Variants in TYW1 observed in about 807,000 individuals in gnomAD.
TYW1 encodes the protein S-adenosyl-L-methionine-dependent tRNA 4-demethylwyosine synthase TYW1.
TYW1 carries 46 observed loss-of-function variants against 96.2 expected under a neutral mutation model. That is an observed-to-expected ratio of 0.48 (90% confidence interval 0.38 to 0.61). The LOEUF (loss-of-function observed/expected upper bound fraction) is 0.61. Ranked by LOEUF, TYW1 falls within the 20% of genes least tolerant of loss-of-function variation. The pLI is 0.00. For missense variants in TYW1, 684 were observed against 909.6 expected (o/e 0.75, Z 3.19); for synonymous variants, 274 against 323.0 (o/e 0.85, Z 1.63).
rs60725778 is a variant in TYW1, at chr7:67,179,864, TA to T, written c.1699-3261del. Among the ~76,000 whole-genome samples, 450 of 74,420 alleles carry T rather than the reference TA, an allele frequency of 6.0e-3. 31 individuals carry two copies. The East Asian group carries it at 0.08, about 13-fold the overall frequency. 48.8% of individuals were successfully genotyped at this position (74,420 alleles called of 152,430 possible). On this transcript the variant is annotated intron_variant, in intron 13 of 15. Coordinates refer to ENST00000359626, the MANE Select transcript of TYW1 (RefSeq NM_018264.4). ...CATTAGGAATATATATATATATATA[TA>T]TTTTTTTTTTTTGGCGGGGGACAGG...
At chr7:67,118,137 C>T (rs1352403865) in intron 13 of TYW1, among the ~76,000 whole-genome samples, 3 of 151,428 alleles carry the variant, frequency 2.0e-5, no homozygotes, top group South Asian at 2.1e-4. Flanking sequence ...CCAGCCTGGC[C>T]AACATGGTCA....
intron 13 of TYW1, among the ~76,000 whole-genome samples, chr7:67,175,096 G>A (rs1360140923): frequency 1.3e-5 from 2 of 151,366 alleles, no homozygotes; most frequent in Non-Finnish European, 1.5e-5. Flanking sequence ...GTCATCAGGA[G>A]AACTAACACC....
intron 3 of TYW1, among the ~76,000 whole-genome samples, chr7:67,000,507 C>T (rs1299914477): frequency 6.6e-6 from 1 of 152,036 alleles, no homozygotes; most frequent in Non-Finnish European, 1.5e-5. Context: ...CCATATTGGT[C>T]ACACTGCTCT....
intron 7 of TYW1, among the ~76,000 whole-genome samples, chr7:67,040,441 C>G (rs1794982289): frequency 6.6e-6 from 1 of 151,818 alleles, no homozygotes; most frequent in Non-Finnish European, 1.5e-5. Flanking sequence ...AATGTTATGA[C>G]TCTTAATTAA....
chr7:67,005,356 G>A (rs1347340547), intron 3 of TYW1, among the ~76,000 whole-genome samples: 1 of 152,156 alleles, frequency 6.6e-6, no homozygotes, highest in Admixed American at 6.5e-5. Flanking sequence ...AGCACTTTGG[G>A]AGGCCAAGGC....
At chr7:67,163,224 C>T (rs1334996364) in intron 13 of TYW1, among the ~76,000 whole-genome samples, 2 of 152,172 alleles carry the variant, frequency 1.3e-5, no homozygotes, top group Non-Finnish European at 2.9e-5. Flanking sequence ...AACATTGCTC[C>T]ATACTACTCA....
chr7:67,025,142 C>T, intron 7 of TYW1, 120 bp downstream of exon 7: 3 of 1,490,014 alleles, frequency 2.0e-6, no homozygotes, highest in Non-Finnish European at 2.7e-6. Context: ...TAGCTTCTGT[C>T]TTGAGAGTTT....
intron 14 of TYW1, among the ~76,000 whole-genome samples, chr7:67,186,265 T>TCGCC (rs1345384979): frequency 5.9e-5 from 4 of 68,322 alleles, no homozygotes; most frequent in African/African-American, 2.6e-4. Flanking sequence ...CTTCCTTTCT[T>TCGCC]CCCCCCCGCC....
chr7:67,000,660 G>C (rs1466322005), intron 3 of TYW1, among the ~76,000 whole-genome samples: 1 of 152,070 alleles, frequency 6.6e-6, no homozygotes, highest in Non-Finnish European at 1.5e-5. Flanking sequence ...GGCTGGTCTT[G>C]AATTCCTGGC....
rs1801995912 is a variant in TYW1 at position 67,239,474 on chromosome 7, T to C, written c.*945T>C. 1 of 885,830 alleles carries C rather than the reference T, an allele frequency of 1.1e-6. No individual in the cohort carries two copies. Among genetic ancestry groups the C allele is most frequent in the African/African-American group, 1.8e-5 (1 of 54,902 alleles). 54.9% of individuals were successfully genotyped at this position (885,830 alleles called of 1,614,324 possible). ...GTTAGCAAGTTCTTTTAACAGTCTTTTATGCAAAAATTGAATTAATAAAAT... is the reference window on the plus strand; with the variant it reads ...GTTAGCAAGTTCTTTTAACAGTCTTCTATGCAAAAATTGAATTAATAAAAT... On this transcript the variant is annotated 3_prime_UTR_variant, in exon 16 of 16. Coordinates refer to ENST00000359626, the MANE Select transcript of TYW1 (RefSeq NM_018264.4).
At chr7:67,096,293 G>A (rs528210076) in intron 11 of TYW1, among the ~76,000 whole-genome samples, 258 of 152,320 alleles carry the variant, frequency 1.7e-3, no homozygotes, top group African/African-American at 5.5e-3. Context: ...GGGAGGCTGA[G>A]GCAGGAGAAT....
At chr7:67,112,617 TA>T (rs59148915) in intron 12 of TYW1, among the ~76,000 whole-genome samples, 306 of 142,138 alleles carry the variant, frequency 2.2e-3, no homozygotes, top group Admixed American at 2.2e-3. Context: ...CTCTTGTCTT[TA>T]AAAAAAAAAA....
At position 67,105,886 on chromosome 7, in the gene TYW1, CTTTTTTTTTTTT is replaced by C. The variant is rs11330425; in HGVS notation, c.1562+7181_1562+7192del. Among the ~76,000 whole-genome samples, 4 of 61,400 alleles carry C rather than the reference CTTTTTTTTTTTT, an allele frequency of 6.5e-5. 1 individual carries two copies. Among genetic ancestry groups the C allele is most frequent in the South Asian group, 1.3e-3 (2 of 1,578 alleles). 40.3% of individuals were successfully genotyped at this position (61,400 alleles called of 152,430 possible). ...AACTTTTGAGAGAGGAGAGAATATT[CTTTTTTTTTTTT>C]TTTTTTTTTTTTGGAGATGGAGGAG... On this transcript the variant is annotated intron_variant, in intron 12 of 15. Transcript: ENST00000359626.
Position 67,155,781 on chromosome 7 carries a change from C to T in TYW1, c.1699-27345C>T, listed in dbSNP as rs565061366. On this transcript the variant is annotated intron_variant, in intron 13 of 15. Transcript: ENST00000359626. ...ACACAAGAGGTATCATGTTTTCTTG[C>T]TTCCTCATCGTTCTTGTGTCCTTAT... 2.0e-5 allele frequency among the ~76,000 whole-genome samples: 3 copies of T among 152,300 alleles called. No homozygotes were observed. The South Asian group carries it at 6.2e-4, about 32-fold the overall frequency.
intron 15 of TYW1, among the ~76,000 whole-genome samples, chr7:67,213,771 TATC>T (rs2116400008): frequency 6.6e-6 from 1 of 152,358 alleles, no homozygotes; most frequent in East Asian, 1.9e-4. Flanking sequence ...TTGAAAAGGT[TATC>T]ATTTCTTCAT....
chr7:67,163,227 A>T (rs886939206), intron 13 of TYW1, among the ~76,000 whole-genome samples: 1 of 152,264 alleles, frequency 6.6e-6, no homozygotes, highest in Middle Eastern at 3.4e-3. Flanking sequence ...ATTGCTCCAT[A>T]CTACTCATTT....
intron 13 of TYW1, among the ~76,000 whole-genome samples, chr7:67,167,362 G>T (rs1256239923): frequency 6.6e-6 from 1 of 150,922 alleles, no homozygotes; most frequent in Non-Finnish European, 1.5e-5. Flanking sequence ...CCAGCTACTT[G>T]GGAGGCTGAG....
chr7:67,234,694 C>T (rs1007281490), intron 15 of TYW1, among the ~76,000 whole-genome samples: 1 of 152,162 alleles, frequency 6.6e-6, no homozygotes, highest in Admixed American at 6.5e-5. Flanking sequence ...TTTTAGCTTA[C>T]AGTTGTCCTA....
intron 15 of TYW1, among the ~76,000 whole-genome samples, chr7:67,216,108 C>T (rs1293971091): frequency 6.6e-6 from 1 of 151,336 alleles, no homozygotes; most frequent in Non-Finnish European, 1.5e-5. Context: ...CCTTATCTAC[C>T]TTGGACTTAA....
Sources: allele counts gnomAD v4.1 joint callset (sites outside exome capture counted in the v4.1 genomes callset), GRCh38; gene constraint gnomAD v4.1.1; transcripts MANE v1.5; gene names NCBI Gene and HGNC (gene_info 2026-07-23, HGNC 2026-07-21).